Variants in ITK observed in about 807,000 individuals in gnomAD.
ITK encodes IL2 inducible T cell kinase, also known as tyrosine-protein kinase ITK/TSK.
ITK carries 45 observed loss-of-function variants against 87.6 expected under a neutral mutation model. The ratio of observed to expected loss-of-function variants is 0.51; its 90% CI spans 0.40 to 0.66. The LOEUF is 0.66. ITK is among the 30% of genes least tolerant of loss of function. The pLI is 0.00. For synonymous variants in ITK, 303 were observed against 273.6 expected (o/e 1.11, Z -1.06); for missense variants, 605 against 766.3 (o/e 0.79, Z 2.48).
At chr5:157,201,300 C>CTTTTTTTTTT (rs34626223) in intron 1 of ITK, among the ~76,000 whole-genome samples, 2 of 128,532 alleles carry the variant, frequency 1.6e-5, no homozygotes, top group African/African-American at 2.9e-5. Flanking sequence ...TAAATTTCCA[C>CTTTTTTTTTT]TTTTTTTTTT....
At chr5:157,210,162 G>C (rs1160157356) in intron 2 of ITK, among the ~76,000 whole-genome samples, 1 of 152,158 alleles carries the variant, frequency 6.6e-6, no homozygotes, top group Non-Finnish European at 1.5e-5. Context: ...CTGACCTCGT[G>C]ATCGACCCGC....
intron 4 of ITK, among the ~76,000 whole-genome samples, chr5:157,216,585 C>T (rs1350077147): frequency 6.6e-6 from 1 of 151,952 alleles, no homozygotes; most frequent in African/African-American, 2.4e-5. Context: ...CATAGTAACA[C>T]CCATTTCTGC....
intron 4 of ITK, among the ~76,000 whole-genome samples, chr5:157,216,501 T>C (rs114545578): frequency 1.1e-4 from 16 of 152,228 alleles, no homozygotes; most frequent in Non-Finnish European, 2.2e-4. Context: ...GGCTGAGATA[T>C]AGCCTCAGAA....
At chr5:157,188,442 T>C (rs564570403) in intron 1 of ITK, among the ~76,000 whole-genome samples, 2 of 152,300 alleles carry the variant, frequency 1.3e-5, no homozygotes, top group East Asian at 3.9e-4. Flanking sequence ...CACATCTGCC[T>C]TCTTCCTGAA....
chr5:157,223,908 A>G (rs1272864736), intron 6 of ITK, among the ~76,000 whole-genome samples: 1 of 152,264 alleles, frequency 6.6e-6, no homozygotes, highest in East Asian at 1.9e-4. Flanking sequence ...ATTTATGTCA[A>G]CATTTTACTT....
At chr5:157,185,290 G>A (rs891022747) in intron 1 of ITK, among the ~76,000 whole-genome samples, 13 of 151,096 alleles carry the variant, frequency 8.6e-5, no homozygotes, top group Non-Finnish European at 1.2e-4. Flanking sequence ...CCAGGCTGGA[G>A]CACAGTGGTG....
rs556663412 is a variant in ITK at position 157,207,877 on chromosome 5, G to A, written c.139-1012G>A. Among the ~76,000 whole-genome samples the A allele has an allele frequency of 6.6e-5, 10 of 152,230 alleles. No homozygotes were observed. The East Asian group carries it at 7.7e-4, about 12-fold the overall frequency. On this transcript the variant is annotated intron_variant, in intron 1 of 16. Coordinates refer to ENST00000422843, the MANE Select transcript of ITK (RefSeq NM_005546.4). ...GTGTACAACAGAAAATTCACTAATCGTGATTTTTGAGATTTTAGATGTTAA... is the reference window on the plus strand; with the variant it reads ...GTGTACAACAGAAAATTCACTAATCATGATTTTTGAGATTTTAGATGTTAA...
chr5:157,218,259 C>A (rs1219668843), intron 5 of ITK, among the ~76,000 whole-genome samples: 4 of 152,134 alleles, frequency 2.6e-5, no homozygotes, highest in Non-Finnish European at 5.9e-5. Context: ...AATCCCAGCA[C>A]TTTGGGAGGC....
intron 5 of ITK, among the ~76,000 whole-genome samples, chr5:157,218,803 T>C (rs1754353653): frequency 6.6e-6 from 1 of 152,140 alleles, no homozygotes; most frequent in Non-Finnish European, 1.5e-5. Flanking sequence ...TCTCAAAGTA[T>C]AGTCCATGGA....
At chr5:157,181,671 T>C (rs562177796) in intron 1 of ITK, among the ~76,000 whole-genome samples, 1 of 152,342 alleles carries the variant, frequency 6.6e-6, no homozygotes, top group African/African-American at 2.4e-5. Flanking sequence ...CCCAGGCATT[T>C]AATTATCTAA....
In ITK at chr5:157,255,074, G is replaced by C. The variant is rs1755224212; in HGVS notation, c.*2396G>C. ...ATTTATTAATGTACAGTCACTGCTA[G>C]TGTTCAAAATAAAAATGTTACAAAT... On this transcript the variant is annotated 3_prime_UTR_variant, in exon 17 of 17. Transcript: ENST00000422843. 2 of 196,940 alleles carry C rather than the reference G, an allele frequency of 1.0e-5. No individual in the cohort carries two copies. The highest frequency in any genetic ancestry group is 6.1e-5 in the Admixed American group (1 of 16,470). 12.2% of individuals were successfully genotyped at this position (196,940 alleles called of 1,614,324 possible). A position where few individuals can be genotyped will look rare whatever the true frequency, so the allele number is the denominator to read the frequency against.
chr5:157,239,168 C>A (rs987789955), intron 9 of ITK, among the ~76,000 whole-genome samples: 3 of 152,010 alleles, frequency 2.0e-5, no homozygotes, highest in African/African-American at 7.3e-5. Context: ...CACAACTACC[C>A]CCAGCTTCAG....
chr5:157,214,150 G>T lies in ITK; in HGVS notation c.326-41G>T, dbSNP rs184903042. On this transcript the variant is annotated intron_variant, in intron 3 of 16. Transcript: ENST00000422843. The stretch of plus-strand genomic sequence containing the variant: ...TAAAATTGGTAGCCCTTGATAGACT[G>T]ACCTGGAAATAACTCTTCTGTTGGT... 4.5e-5 allele frequency: 72 copies of T among 1,589,026 alleles called. No homozygotes were observed. In the Admixed American group the frequency reaches 1.2e-3, roughly 26 times the overall value.
chr5:157,245,868 A>C lies in ITK; in HGVS notation c.1515-13A>C. The C allele has an allele frequency of 6.2e-7, 1 of 1,611,776 alleles. No homozygotes were observed. The highest frequency in any genetic ancestry group is 8.5e-7 in the Non-Finnish European group (1 of 1,178,090). ...CGGAACATTCTGACCTTCTCCCTCCACTCTCTTCCCAGGTTCGTTCTGGAT... is the reference window on the plus strand; with the variant it reads ...CGGAACATTCTGACCTTCTCCCTCCCCTCTCTTCCCAGGTTCGTTCTGGAT... On this transcript the variant is annotated splice_polypyrimidine_tract_variant and intron_variant, in intron 14 of 16. Coordinates refer to ENST00000422843, the MANE Select transcript of ITK (RefSeq NM_005546.4).
rs1430392656 is a variant in ITK, at chr5:157,234,031, C to A, written c.768+1637C>A. On this transcript the variant is annotated intron_variant, in intron 8 of 16. Transcript: ENST00000422843. ...AGTCTCCCTCTGTCACCCAGGCTAGCATGTAGTGGCATGATCTCGGCTTAC... is the reference window on the plus strand; with the variant it reads ...AGTCTCCCTCTGTCACCCAGGCTAGAATGTAGTGGCATGATCTCGGCTTAC... Among the ~76,000 whole-genome samples the A allele has an allele frequency of 3.4e-5, 4 of 118,666 alleles. No individual in the cohort carries two copies. The Admixed American group carries it at 4.1e-4, about 12-fold the overall frequency. The allele number at this position is 118,666 out of a possible 152,430, so 77.8% of individuals were successfully genotyped here. A position where few individuals can be genotyped will look rare whatever the true frequency, so the allele number is the denominator to read the frequency against.
rs1755216426 is a variant in ITK, at chr5:157,254,716, GA to G, written c.*2039del. 2 of 218,562 alleles carry G rather than the reference GA, an allele frequency of 9.2e-6. No homozygotes were observed. Among genetic ancestry groups the G allele is most frequent in the Admixed American group, 1.2e-4 (2 of 17,296 alleles). 13.5% of individuals were successfully genotyped at this position (218,562 alleles called of 1,614,324 possible). ...CATTATCTTTTGGGATCCTTAATTA[GA>G]GATGATTTCTGGAACATTCAGTCTA... On this transcript the variant is annotated 3_prime_UTR_variant, in exon 17 of 17. Coordinates refer to ENST00000422843, the MANE Select transcript of ITK (RefSeq NM_005546.4).
At chr5:157,201,544 G>A (rs937262577) in intron 1 of ITK, among the ~76,000 whole-genome samples, 1 of 151,854 alleles carries the variant, frequency 6.6e-6, no homozygotes, top group Non-Finnish European at 1.5e-5. Flanking sequence ...TAATCCACCT[G>A]CCTCAACCTC....
intron 1 of ITK, among the ~76,000 whole-genome samples, chr5:157,194,544 G>A (rs1218918454): frequency 6.6e-6 from 1 of 152,178 alleles, no homozygotes; most frequent in Non-Finnish European, 1.5e-5. Context: ...CAGAAAGGGA[G>A]TTTGAGGGAG....
At chr5:157,244,565 A>G in intron 13 of ITK, 87 bp downstream of exon 13, 3 of 802,254 alleles carry the variant, frequency 3.7e-6, no homozygotes, top group South Asian at 2.8e-5. Flanking sequence ...AATAAATAAT[A>G]CATTACAGAT....
Sources: gnomAD v4.1 joint callset for allele counts (sites outside exome capture counted in the v4.1 genomes callset) on GRCh38, gnomAD v4.1.1 for gene constraint, MANE v1.5 for transcripts, NCBI Gene and HGNC (gene_info 2026-07-23, HGNC 2026-07-21) for gene names.